Variants in AKNA observed in about 807,000 individuals in gnomAD.
The protein encoded by AKNA is microtubule organization protein AKNA.
In AKNA, 67 loss-of-function variants were observed where a neutral mutation model predicts 138.8. That is an observed-to-expected ratio of 0.48 (90% CI 0.40 to 0.59). The LOEUF is 0.59. Ranked by LOEUF, AKNA falls within the 20% of genes least tolerant of loss-of-function variation. The pLI, the probability that AKNA is intolerant of heterozygous loss-of-function variation, is 0.00. For synonymous variants in AKNA, 737 were observed against 754.4 expected, an observed-to-expected ratio of 0.98 and a Z score of 0.38; for missense variants, 1,813 against 1,880.4, an observed-to-expected ratio of 0.96 and a Z score of 0.66.
In AKNA at chr9:114,334,999, A is replaced by ACTT. The variant is rs1829936788; in HGVS notation, c.*2054_*2055insAAG. On this transcript the variant is annotated 3_prime_UTR_variant, in exon 22 of 22. Transcript: ENST00000374088. ...CTCTGGGGTCCCACAATGTCCTGGA[A>ACTT]CTGAAGGCTCAGAACCTACAGGAAG... 6.6e-6 allele frequency: 1 copy of ACTT among 152,218 alleles called. No homozygotes were observed. The highest frequency in any genetic ancestry group is 6.5e-5 in the Admixed American group (1 of 15,286). 9.4% of individuals were successfully genotyped at this position (152,218 alleles called of 1,614,324 possible).
chr9:114,388,087 T>C (rs1180535554), upstream of AKNA: 1 of 269,910 alleles, frequency 3.7e-6, no homozygotes, highest in Non-Finnish European at 8.0e-6. Context: ...CAGCCTGATT[T>C]CCTACAAGTG....
intron 11 of AKNA, chr9:114,359,322 G>C: frequency 1.7e-6 from 1 of 587,060 alleles, no homozygotes. Flanking sequence ...ACCTGCCTTG[G>C]CCTCCCTCAA....
chr9:114,358,755 CT>C (rs1831693130), intron 11 of AKNA, among the ~76,000 whole-genome samples: 1 of 148,402 alleles, frequency 6.7e-6, no homozygotes, highest in Non-Finnish European at 1.5e-5. Flanking sequence ...ACCGCATGTT[CT>C]TACTCATAGG....
chr9:114,397,148 C>T (rs1589051419), upstream of AKNA, among the ~76,000 whole-genome samples: 1 of 152,160 alleles, frequency 6.6e-6, no homozygotes, highest in Non-Finnish European at 1.5e-5. Flanking sequence ...ACGTGGACAT[C>T]GCCTCCCTCC....
downstream of AKNA, chr9:114,331,960 T>C (rs759661962): frequency 1.3e-6 from 2 of 1,591,656 alleles, no homozygotes; most frequent in South Asian, 2.2e-5. Flanking sequence ...AGTGCCCACC[T>C]TGTCCATGGC....
chr9:114,395,324 G>A (rs922712296), upstream of AKNA, among the ~76,000 whole-genome samples: 2 of 151,976 alleles, frequency 1.3e-5, no homozygotes, highest in Admixed American at 1.3e-4. Flanking sequence ...TGGCTCCCCT[G>A]GCCAACTGCC....
intron 14 of AKNA, among the ~76,000 whole-genome samples, chr9:114,352,914 C>T (rs1045414090): frequency 1.3e-5 from 2 of 149,208 alleles, no homozygotes; most frequent in African/African-American, 5.1e-5. Context: ...GAGCGAGACT[C>T]CATCTCAAAA....
rs532280094 is a variant in AKNA at position 114,364,485 on chromosome 9, A to C, written c.1788+75T>G. 3.2e-4 allele frequency: 473 copies of C among 1,484,670 alleles called. 2 individuals carry two copies. In the African/African-American group the frequency reaches 6.0e-3, roughly 19 times the overall value. The allele number at this position is 1,484,670 out of a possible 1,614,324, so 92.0% of individuals were successfully genotyped here. On this transcript the variant is annotated intron_variant, in intron 7 of 21. Coordinates refer to ENST00000374088, the MANE Select transcript of AKNA (RefSeq NM_001317950.2). ...TCTCTTTTCTGTCTTGCAGCAAAGAAGGCTTCAGAGACAGAGTCATGGGAG... is the reference window on the plus strand; with the variant it reads ...TCTCTTTTCTGTCTTGCAGCAAAGACGGCTTCAGAGACAGAGTCATGGGAG...
intron 1 of AKNA, among the ~76,000 whole-genome samples, chr9:114,381,914 G>A (rs970545526): frequency 6.6e-6 from 1 of 152,124 alleles, no homozygotes; most frequent in Non-Finnish European, 1.5e-5. Flanking sequence ...CTCCCAAAGT[G>A]CTGGGATTAC....
Position 114,359,740 on chromosome 9 carries a change from T to C in AKNA, c.2346A>G (p.Glu782=). The C allele has an allele frequency of 6.2e-7, 1 of 1,604,968 alleles. No homozygotes were observed. Among genetic ancestry groups the C allele is most frequent in the Non-Finnish European group, 8.5e-7 (1 of 1,175,320 alleles). ...CCTCTTCCTCCTCCTCCTCCTCTCCTTCTTCCTCCTCCTCCATTCTCATGG... is the reference window on the plus strand; with the variant it reads ...CCTCTTCCTCCTCCTCCTCCTCTCCCTCTTCCTCCTCCTCCATTCTCATGG... The part of the protein sequence containing the change: ...PEAMRMEEEE[E]GEEEEEEEGG... The change falls in exon 11 of 22, where the codon GAA becomes GAG. Residue 782 remains glutamate (E), a synonymous_variant. Transcript: ENST00000374088.
At chr9:114,371,911 C>T (rs7043196) in intron 4 of AKNA, among the ~76,000 whole-genome samples, 65,682 of 151,840 alleles carry the variant, frequency 0.43, 14,954 homozygotes, top group Middle Eastern at 0.55. Context: ...CTCCAGCCTT[C>T]GGGGTAGAGT....
intron 3 of AKNA, chr9:114,375,954 C>G (rs1443397868): frequency 2.2e-6 from 1 of 455,010 alleles, no homozygotes; most frequent in East Asian, 6.9e-5. Context: ...GCCTCCCTAC[C>G]GCAGCCAGCC....
rs1305114200 is a variant in AKNA at position 114,374,101 on chromosome 9, C to T, written c.1408G>A (p.Gly470Arg). ...AENTIDQLRL[G>R]AKVNLFSDPP... is the part of the protein sequence containing the mutation. ...CCATCCCGGCCTGGTACCTTGGCCC[C>T]GAGGCGTAGCTGGTCAATGGTGTTC... The change falls in exon 4 of 22, where the codon GGG (glycine) becomes AGG (arginine). Residue 470 changes from glycine to arginine, a missense_variant. Coordinates refer to ENST00000374088, the MANE Select transcript of AKNA (RefSeq NM_001317950.2). 3.6e-5 allele frequency: 56 copies of T among 1,555,960 alleles called. No individual in the cohort carries two copies. Among genetic ancestry groups the T allele is most frequent in the East Asian group, 4.8e-5 (2 of 41,270 alleles).
intron 1 of AKNA, among the ~76,000 whole-genome samples, chr9:114,381,655 G>GTTTTTTTT (rs1160552279): frequency 3.0e-4 from 25 of 82,910 alleles, no homozygotes; most frequent in Non-Finnish European, 4.0e-4. Flanking sequence ...TCTCTCCAGG[G>GTTTTTTTT]TTTTTTTTTT....
Position 114,372,964 on chromosome 9 carries a change from C to CGGG in AKNA, c.1416+1126_1416+1128dup, listed in dbSNP as rs558347748. Among the ~76,000 whole-genome samples the CGGG allele has an allele frequency of 3.3e-3, 87 of 26,108 alleles. 5 individuals are homozygous for CGGG. Among genetic ancestry groups the CGGG allele is most frequent in the South Asian group, 0.031 (8 of 256 alleles). The allele number at this position is 26,108 out of a possible 152,430, so 17.1% of individuals were successfully genotyped here. ...CCAGGCAGCAGGTGTGGGGACGCAGCGGGGGGGGGGGGGGTCCTGGTCCTA... is the reference window on the plus strand; with the variant it reads ...CCAGGCAGCAGGTGTGGGGACGCAGCGGGGGGGGGGGGGGGGGTCCTGGTCCTA... On this transcript the variant is annotated intron_variant, in intron 4 of 21. Transcript: ENST00000374088.
downstream of AKNA, chr9:114,330,755 C>T (rs368108808): frequency 1.1e-5 from 17 of 1,607,902 alleles, no homozygotes; most frequent in Non-Finnish European, 1.4e-5. Flanking sequence ...TCCTCGATAA[C>T]ATTACTGTTT....
chr9:114,375,848 A>G, intron 3 of AKNA: 1 of 381,496 alleles, frequency 2.6e-6, no homozygotes, highest in South Asian at 1.9e-5. Context: ...ACACGAGTAC[A>G]ATCACTGGTC....
chr9:114,393,213 CTT>C (rs869060529), intron 1 of AKNA, among the ~76,000 whole-genome samples: 70 of 132,110 alleles, frequency 5.3e-4, no homozygotes, highest in Admixed American at 8.5e-4. Flanking sequence ...ACAGTATAAT[CTT>C]TTTTTTTTTT....
intron 1 of AKNA, among the ~76,000 whole-genome samples, chr9:114,385,423 G>A (rs1032636566): frequency 7.9e-5 from 12 of 152,236 alleles, no homozygotes; most frequent in African/African-American, 2.9e-4. Flanking sequence ...TATGGCAGGT[G>A]GAGAAGAGGC....
Sources: allele counts gnomAD v4.1 joint callset (sites outside exome capture counted in the v4.1 genomes callset), GRCh38; gene constraint gnomAD v4.1.1; transcripts MANE v1.5; gene names NCBI Gene and HGNC (gene_info 2026-07-23, HGNC 2026-07-21).